Variants in TCTN1 observed in about 807,000 individuals in gnomAD.
The protein encoded by TCTN1 is tectonic family member 1.
A neutral mutation model predicts 65.8 loss-of-function variants in TCTN1; 58 were observed. The ratio of observed to expected loss-of-function variants is 0.88; its 90% CI spans 0.71 to 1.10. The LOEUF (loss-of-function observed/expected upper bound fraction) is 1.10. TCTN1 is among the 50% of genes least tolerant of loss of function. The pLI is 0.00. For synonymous variants in TCTN1, 273 were observed against 289.1 expected (o/e 0.94, Z 0.57); for missense variants, 645 against 719.4 (o/e 0.90, Z 1.18).
At chr12:110,649,002 A>G in intron 14 of TCTN1, 41 bp from the exon 15 acceptor site, 1 of 461,218 alleles carries the variant, frequency 2.2e-6, no homozygotes, top group Non-Finnish European at 4.2e-6. Flanking sequence ...CTTTTCTAGA[A>G]TGGGGTGGCA....
rs1193239700 is a variant in TCTN1, at chr12:110,632,456, G to A, written c.625-16G>A. Reference sequence around the variant, plus strand: ...TTTAATTACACCATAACGACTGTTGGTTGTTGTGTTTGCAGTATGGGGTTC... The same window carrying A: ...TTTAATTACACCATAACGACTGTTGATTGTTGTGTTTGCAGTATGGGGTTC... On this transcript the variant is annotated splice_polypyrimidine_tract_variant and intron_variant, in intron 4 of 14. Transcript: ENST00000397659. 1.2e-6 allele frequency: 2 copies of A among 1,613,580 alleles called. No homozygotes were observed. Among genetic ancestry groups the A allele is most frequent in the Non-Finnish European group, 1.7e-6 (2 of 1,179,576 alleles).
In TCTN1 at chr12:110,647,288, C is replaced by T. The variant is rs769565711; in HGVS notation, c.1587C>T (p.Ala529=). The T allele has an allele frequency of 1.2e-6, 2 of 1,614,156 alleles. No individual in the cohort carries two copies. The highest frequency in any genetic ancestry group is 1.7e-6 in the Non-Finnish European group (2 of 1,180,024). ...ACGGATCCCTGCTGAATCCACAGGC[C>T]AAAATAGTCAATGTAACTGCAAATC... ...TKYGSLLNPQ[A]KIVNVTANLI... is the part of the protein sequence containing the mutation. Residue 529 remains alanine (A), a synonymous_variant, in exon 13 of 15, where the codon GCC becomes GCT. Transcript: ENST00000397659.
Position 110,619,935 on chromosome 12 carries a change from C to T in TCTN1, c.320C>T (p.Ala107Val). Residue 107 changes from alanine to valine, a missense_variant, in exon 2 of 15, where the codon GCC (alanine) becomes GTC (valine). Physicochemically the swap from Ala to Val is moderately conservative, Grantham distance 64 (BLOSUM62 0). Transcript: ENST00000397659. ...CSSVDFSVFS[A>V]CSVPVVTGDS... Reference sequence around the variant, plus strand: ...TCCGTGGATTTCAGTGTCTTTTCTGCCTGCTCAGTTCCAGTTGTCACGTAA... The same window carrying T: ...TCCGTGGATTTCAGTGTCTTTTCTGTCTGCTCAGTTCCAGTTGTCACGTAA... The T allele has an allele frequency of 6.2e-7, 1 of 1,614,092 alleles. No individual in the cohort carries two copies. The highest frequency in any genetic ancestry group is 8.5e-7 in the Non-Finnish European group (1 of 1,180,032).
intron 1 of TCTN1, 93 bp from the exon 2 acceptor site, chr12:110,619,743 T>A: frequency 1.3e-6 from 2 of 1,594,426 alleles, no homozygotes; most frequent in African/African-American, 1.3e-5. Context: ...GGATCTTTTT[T>A]ATGAAATTGA....
chr12:110,636,168 A>G, intron 6 of TCTN1: 2 of 348,552 alleles, frequency 5.7e-6, no homozygotes, highest in East Asian at 7.0e-5. Flanking sequence ...TGCTTCCCAC[A>G]GTGCTTATGG....
intron 6 of TCTN1, chr12:110,636,051 C>T: frequency 5.0e-6 from 1 of 200,036 alleles, no homozygotes; most frequent in Non-Finnish European, 1.0e-5. Context: ...AGGCTTGGGC[C>T]AGAGGCAGGA....
At position 110,626,405 on chromosome 12, in the gene TCTN1, T is replaced by C. The variant is rs1265000896; in HGVS notation, c.385T>C (p.Leu129=). 1.2e-6 allele frequency: 2 copies of C among 1,604,912 alleles called. No individual in the cohort carries two copies. Among genetic ancestry groups the C allele is most frequent in the East Asian group, 4.5e-5 (2 of 44,820 alleles). ...FCSQKAVIYS[L]NFTANPPQRV... ...TAGTCAAAAAGCAGTCATCTATTCA[T>C]TGAATTTTACAGCAAACCCACCTCA... Residue 129 remains leucine (L), a synonymous_variant, in exon 3 of 15, where the codon TTG becomes CTG. Transcript: ENST00000397659.
chr12:110,638,441 G>A (rs1021333902), intron 7 of TCTN1, among the ~76,000 whole-genome samples: 3 of 152,240 alleles, frequency 2.0e-5, no homozygotes, highest in African/African-American at 7.2e-5. Context: ...ACTAAGTGAA[G>A]ACTGTTATGA....
intron 7 of TCTN1, among the ~76,000 whole-genome samples, chr12:110,637,144 C>T (rs1323282942): frequency 1.3e-5 from 2 of 152,152 alleles, no homozygotes; most frequent in African/African-American, 4.8e-5. Context: ...AGTTTCCCAC[C>T]CTGTGGAACT....
rs2067652038 is a variant in TCTN1, at chr12:110,649,063, C to T, written c.*22C>T. ...TTCAGAATGCTCAGATGCATCAGTTCCTTAATATACACGTGAAATTTGAAA... is the reference window on the plus strand; with the variant it reads ...TTCAGAATGCTCAGATGCATCAGTTTCTTAATATACACGTGAAATTTGAAA... On this transcript the variant is annotated 3_prime_UTR_variant, in exon 15 of 15. Coordinates refer to ENST00000397659, the MANE Select transcript of TCTN1 (RefSeq NM_001082538.3). The T allele has an allele frequency of 1.8e-6, 1 of 551,946 alleles. No homozygotes were observed. The highest frequency in any genetic ancestry group is 2.2e-5 in the Admixed American group (1 of 44,942). The allele number at this position is 551,946 out of a possible 1,614,324, so 34.2% of individuals were successfully genotyped here. A position where few individuals can be genotyped will look rare whatever the true frequency, so the allele number is the denominator to read the frequency against.
intron 3 of TCTN1, among the ~76,000 whole-genome samples, chr12:110,626,763 GTTTTTTTTTTT>G (rs1236209029): frequency 2.2e-5 from 2 of 89,930 alleles, no homozygotes; most frequent in South Asian, 3.6e-4. Context: ...TGTGTGCGTG[GTTTTTTTTTTT>G]TTTTTTTTTT....
rs1056225477 is a variant in TCTN1 at position 110,641,493 on chromosome 12, C to G, written c.1105-49C>G. The G allele has an allele frequency of 3.9e-6, 6 of 1,540,114 alleles. No homozygotes were observed. The East Asian group carries it at 1.3e-4, about 35-fold the overall frequency. Reference sequence around the variant, plus strand: ...AGAAGAATTTTTCTTCCTGCCATTTCCTTATTAAAATGAGAATTATTTGGG... The same window carrying G: ...AGAAGAATTTTTCTTCCTGCCATTTGCTTATTAAAATGAGAATTATTTGGG... On this transcript the variant is annotated intron_variant, in intron 9 of 14. Transcript: ENST00000397659.
At chr12:110,614,616 G>GT (rs1462638011) in intron 1 of TCTN1, among the ~76,000 whole-genome samples, 1 of 152,242 alleles carries the variant, frequency 6.6e-6, no homozygotes, top group Non-Finnish European at 1.5e-5. Flanking sequence ...GGGTCTCAGA[G>GT]TTTAAGTGGA....
At position 110,641,723 on chromosome 12, in the gene TCTN1, G is replaced by A. The variant is rs1280076399; in HGVS notation, c.1190+96G>A. The A allele has an allele frequency of 3.1e-6, 4 of 1,304,070 alleles. 1 individual carries two copies. In the South Asian group the frequency reaches 3.6e-5, roughly 12 times the overall value. The allele number at this position is 1,304,070 out of a possible 1,614,324, so 80.8% of individuals were successfully genotyped here. A position where few individuals can be genotyped will look rare whatever the true frequency, so the allele number is the denominator to read the frequency against. On this transcript the variant is annotated intron_variant, in intron 10 of 14. Coordinates refer to ENST00000397659, the MANE Select transcript of TCTN1 (RefSeq NM_001082538.3). ...TCGCTGAGGCTCCCCTGGGCTGCTT[G>A]TGGGAAGGAGAGAGCAGTCCAGGCC...
rs905005922 is a variant in TCTN1 at position 110,640,231 on chromosome 12, G to T, written c.844-152G>T. Reference sequence around the variant, plus strand: ...GAATGTATATATGTTTATTACTTTTGCAAATGTGGATCATAGTATATACAC... The same window carrying T: ...GAATGTATATATGTTTATTACTTTTTCAAATGTGGATCATAGTATATACAC... On this transcript the variant is annotated intron_variant, in intron 7 of 14. Coordinates refer to ENST00000397659, the MANE Select transcript of TCTN1 (RefSeq NM_001082538.3). This position sits in a 1 kb window ranked among gnomAD's most constrained non-coding sequence, Gnocchi z 4.9. 154 of 869,372 alleles carry T rather than the reference G, an allele frequency of 1.8e-4. No individual in the cohort carries two copies. Among genetic ancestry groups the T allele is most frequent in the Non-Finnish European group, 2.4e-4 (130 of 540,584 alleles). The allele number at this position is 869,372 out of a possible 1,614,324, so 53.9% of individuals were successfully genotyped here.
intron 3 of TCTN1, chr12:110,628,270 CT>C: frequency 6.5e-7 from 1 of 1,528,258 alleles, no homozygotes; most frequent in Non-Finnish European, 8.8e-7. Flanking sequence ...AAGAAGCAGG[CT>C]GAGTCTGGAG....
chr12:110,647,019 G>T (rs900990826), intron 12 of TCTN1, 177 bp from the exon 13 acceptor site: 26 of 692,872 alleles, frequency 3.8e-5, no homozygotes, highest in East Asian at 2.8e-4. Context: ...ATATTTTTGG[G>T]GCATTGAGTT....
chr12:110,645,320 G>A (rs1211851311), intron 12 of TCTN1, 191 bp downstream of exon 12: 3 of 674,520 alleles, frequency 4.4e-6, no homozygotes. Context: ...ATGGCTTTGA[G>A]CCTCTGTTTT....
Position 110,644,986 on chromosome 12 carries a change from T to C in TCTN1, c.1351T>C (p.Cys451Arg). The change falls in exon 12 of 15, where the codon TGT becomes CGT. Residue 451 changes from cysteine (C) to arginine (R), a missense_variant. Transcript: ENST00000397659. This position sits in a 1 kb window ranked among gnomAD's most constrained non-coding sequence, Gnocchi z 4.6. ...ACCAAGACTGACTGGAGCTCTCCCG[T>C]GTCAGCTCGTAGCACAGAAGGTGAA... ...CKLRLTGALP[C>R]QLVAQKVKSL... 3 of 1,614,258 alleles carry C rather than the reference T, an allele frequency of 1.9e-6. No individual in the cohort carries two copies. The highest frequency in any genetic ancestry group is 2.5e-6 in the Non-Finnish European group (3 of 1,180,044).
Sources: gnomAD v4.1 joint callset for allele counts (sites outside exome capture counted in the v4.1 genomes callset) on GRCh38, gnomAD v4.1.1 for gene constraint, Gnocchi (gnomAD v3.1) non-coding constraint, MANE v1.5 for transcripts, NCBI Gene and HGNC (gene_info 2026-07-23, HGNC 2026-07-21) for gene names.